TNKS: variants seen among roughly 807,000 people sequenced by gnomAD.
The protein encoded by TNKS is poly [ADP-ribose] polymerase tankyrase-1.
Under a neutral mutation model 135.8 loss-of-function variants are expected in TNKS, and 72 were observed. That is an observed-to-expected ratio of 0.53 (90% CI 0.44 to 0.64). The LOEUF is 0.64. TNKS is among the 30% of genes least tolerant of loss of function. TNKS has a pLI of 0.00. For synonymous variants in TNKS, 849 were observed against 649.3 expected, an observed-to-expected ratio of 1.31 and a Z score of -4.68; for missense variants, 1,769 against 1,674.0, an observed-to-expected ratio of 1.06 and a Z score of -0.99.
At chr8:9,747,035 A>C (rs1044320133) in intron 17 of TNKS, among the ~76,000 whole-genome samples, 3 of 151,880 alleles carry the variant, frequency 2.0e-5, no homozygotes, top group Non-Finnish European at 4.4e-5. Flanking sequence ...GGCATGCACC[A>C]CCATGCCCAG....
At chr8:9,620,979 C>T (rs544456896) in intron 3 of TNKS, among the ~76,000 whole-genome samples, 12 of 152,198 alleles carry the variant, frequency 7.9e-5, no homozygotes, top group African/African-American at 1.4e-4. Flanking sequence ...GTCTAAGGTC[C>T]GATTACTGAT....
chr8:9,603,382 A>G (rs1799095435), intron 2 of TNKS, among the ~76,000 whole-genome samples: 1 of 152,190 alleles, frequency 6.6e-6, no homozygotes, highest in East Asian at 1.9e-4. Flanking sequence ...AATGCAACTA[A>G]AAATTCAGAT....
intron 25 of TNKS, among the ~76,000 whole-genome samples, chr8:9,768,078 G>T (rs1048615908): frequency 2.0e-5 from 3 of 151,708 alleles, no homozygotes; most frequent in Non-Finnish European, 2.9e-5. Flanking sequence ...AGACAAAAAT[G>T]AACCTAAATA....
At position 9,556,389 on chromosome 8, in the gene TNKS, G is replaced by C. The variant is rs1404503398; in HGVS notation, c.450G>C (p.Leu150Phe). The part of the protein sequence containing the change: ...SSSPSSPGSS[L>F]AESPEAAGVS... ...CTCCATCCTCCCCTGGATCGAGCTTGGCGGAGAGCCCCGAGGCGGCCGGAG... is the reference window on the plus strand; with the variant it reads ...CTCCATCCTCCCCTGGATCGAGCTTCGCGGAGAGCCCCGAGGCGGCCGGAG... The change falls in exon 1 of 27, where the codon TTG becomes TTC. Residue 150 changes from leucine (L) to phenylalanine (F), a missense_variant. Transcript: ENST00000310430. 1.2e-6 allele frequency: 2 copies of C among 1,614,104 alleles called. No homozygotes were observed. The highest frequency in any genetic ancestry group is 1.7e-6 in the Non-Finnish European group (2 of 1,180,048).
intron 14 of TNKS, among the ~76,000 whole-genome samples, chr8:9,732,090 A>G (rs1285300744): frequency 6.6e-6 from 1 of 152,182 alleles, no homozygotes; most frequent in Non-Finnish European, 1.5e-5. Flanking sequence ...ACCCAGCCCT[A>G]TATGAATGTT....
chr8:9,743,306 T>C (rs1806066978), intron 17 of TNKS, among the ~76,000 whole-genome samples: 2 of 152,352 alleles, frequency 1.3e-5, no homozygotes, highest in South Asian at 2.1e-4. Context: ...AAAATGGCTC[T>C]TGTGTTTTAG....
intron 2 of TNKS, among the ~76,000 whole-genome samples, chr8:9,581,851 C>T (rs1440024562): frequency 2.0e-5 from 3 of 152,092 alleles, no homozygotes; most frequent in African/African-American, 7.2e-5. Flanking sequence ...TTTCAAAAGT[C>T]CATAATGTAA....
chr8:9,682,567 C>T (rs549837144), intron 5 of TNKS, among the ~76,000 whole-genome samples: 1 of 152,138 alleles, frequency 6.6e-6, no homozygotes, highest in South Asian at 2.1e-4. Flanking sequence ...CTCTGTGGCA[C>T]TTAGAGTTCC....
intron 1 of TNKS, chr8:9,575,133 C>T: frequency 1.1e-6 from 1 of 934,328 alleles, no homozygotes; most frequent in African/African-American, 1.8e-5. Flanking sequence ...GTTGCCCAGG[C>T]TGGAGTATAG....
At chr8:9,681,155 T>A (rs921343347) in intron 5 of TNKS, 17 of 165,382 alleles carry the variant, frequency 1.0e-4, no homozygotes, top group African/African-American at 3.3e-4. Flanking sequence ...AAGACATTTG[T>A]GTTTTTGATT....
chr8:9,647,921 A>G (rs150331362), intron 3 of TNKS, among the ~76,000 whole-genome samples: 1,687 of 152,326 alleles, frequency 0.011, 11 homozygotes, highest in African/African-American at 0.023. Flanking sequence ...TTGCTCCTAG[A>G]GTACAAACCT....
chr8:9,747,983 A>G (rs1806321244), intron 17 of TNKS, 41 bp from the exon 18 acceptor site: 2 of 1,549,912 alleles, frequency 1.3e-6, no homozygotes, highest in African/African-American at 2.7e-5. Flanking sequence ...TTACCAGATG[A>G]TCTCATTCTT....
intron 5 of TNKS, among the ~76,000 whole-genome samples, chr8:9,703,816 A>C (rs75999277): frequency 1.3e-5 from 2 of 152,204 alleles, no homozygotes; most frequent in African/African-American, 4.8e-5. Context: ...TGGTATTTAA[A>C]CTTTAAATTA....
intron 2 of TNKS, among the ~76,000 whole-genome samples, chr8:9,600,263 G>A (rs1798963215): frequency 6.6e-6 from 1 of 152,122 alleles, no homozygotes; most frequent in African/African-American, 2.4e-5. Context: ...TATTGCCATG[G>A]CAGACTTTGT....
intron 1 of TNKS, among the ~76,000 whole-genome samples, chr8:9,564,004 T>A (rs555007178): frequency 1.3e-5 from 2 of 152,332 alleles, no homozygotes; most frequent in South Asian, 4.1e-4. Flanking sequence ...CTAGAATAGA[T>A]CAAGTCTCTC....
chr8:9,638,736 A>T (rs1294953217), intron 3 of TNKS, among the ~76,000 whole-genome samples: 1 of 152,202 alleles, frequency 6.6e-6, no homozygotes, highest in Non-Finnish European at 1.5e-5. Context: ...TTTTTGAAAA[A>T]TGTGAGGTAG....
intron 2 of TNKS, among the ~76,000 whole-genome samples, chr8:9,594,315 C>G (rs1040022321): frequency 4.6e-5 from 7 of 152,212 alleles, no homozygotes; most frequent in African/African-American, 1.4e-4. Context: ...ATAACTCTCA[C>G]ACCTTGTTTT....
At chr8:9,652,359 G>C (rs1054646175) in intron 3 of TNKS, among the ~76,000 whole-genome samples, 1 of 152,048 alleles carries the variant, frequency 6.6e-6, no homozygotes, top group Admixed American at 6.5e-5. Context: ...AATTATCTTC[G>C]TTTGAATACA....
chr8:9,774,377 C>G (rs1226780505), intron 26 of TNKS, among the ~76,000 whole-genome samples: 1 of 152,158 alleles, frequency 6.6e-6, no homozygotes. Flanking sequence ...CTCTATGAGA[C>G]ATAAACTGAG....
Sources: gnomAD v4.1 joint callset for allele counts (sites outside exome capture counted in the v4.1 genomes callset) on GRCh38, gnomAD v4.1.1 for gene constraint, MANE v1.5 for transcripts, NCBI Gene and HGNC (gene_info 2026-07-23, HGNC 2026-07-21) for gene names.